The following SEMA3E variants were observed in gnomAD, a reference collection of about 807,000 sequenced individuals.
SEMA3E encodes semaphorin 3E.
A neutral mutation model predicts 93.6 loss-of-function variants in SEMA3E; 49 were observed. That is an observed-to-expected ratio of 0.52 (90% CI 0.42 to 0.66). SEMA3E has a LOEUF of 0.66. SEMA3E is among the 30% of genes least tolerant of loss of function. SEMA3E has a pLI of 0.00. For missense variants in SEMA3E, 906 were observed against 964.8 expected, an observed-to-expected ratio of 0.94 and a Z score of 0.81; for synonymous variants, 363 against 330.7, an observed-to-expected ratio of 1.10 and a Z score of -1.06.
chr7:83,564,720 C>G (rs1319461146), intron 1 of SEMA3E, among the ~76,000 whole-genome samples: 1 of 152,042 alleles, frequency 6.6e-6, no homozygotes, highest in Non-Finnish European at 1.5e-5. Context: ...GACTTGGTAT[C>G]TGACTTACAT....
intron 4 of SEMA3E, among the ~76,000 whole-genome samples, chr7:83,428,271 T>G (rs1788812925): frequency 6.6e-6 from 1 of 152,224 alleles, no homozygotes; most frequent in Admixed American, 6.5e-5. Context: ...CTAATACTCT[T>G]TTGCTTGTCT....
At chr7:83,386,779 G>A (rs1342737735) in intron 15 of SEMA3E, among the ~76,000 whole-genome samples, 1 of 152,130 alleles carries the variant, frequency 6.6e-6, no homozygotes, top group East Asian at 1.9e-4. Flanking sequence ...CTTGGTGGTA[G>A]CACATAAAAC....
At position 83,473,522 on chromosome 7, in the gene SEMA3E, G is replaced by A. The variant is rs140545751; in HGVS notation, c.277-4220C>T. On this transcript the variant is annotated intron_variant, in intron 2 of 16. Coordinates refer to ENST00000643230, the MANE Select transcript of SEMA3E (RefSeq NM_012431.3). ...AAATATTAGATGTTGCTGATTGGCG[G>A]TATTTTTTATTTAGTGGCAAATTGT... 6.5e-4 allele frequency among the ~76,000 whole-genome samples: 99 copies of A among 152,288 alleles called. 1 individual carries two copies. In the East Asian group the frequency reaches 0.017, roughly 26 times the overall value.
rs1026140084 is a variant in SEMA3E at position 83,421,103 on chromosome 7, T to C, written c.457-2620A>G. ...TAATATCCAGAGTGTATAAGGAACT[T>C]AACTCAAAAAGTATTACTGATTTTT... On this transcript the variant is annotated intron_variant, in intron 4 of 16. Coordinates refer to ENST00000643230, the MANE Select transcript of SEMA3E (RefSeq NM_012431.3). Among the ~76,000 whole-genome samples the C allele has an allele frequency of 7.0e-5, 10 of 142,458 alleles. 1 individual carries two copies. The highest frequency in any genetic ancestry group is 2.3e-4 in the African/African-American group (9 of 39,908). The allele number at this position is 142,458 out of a possible 152,430, so 93.5% of individuals were successfully genotyped here. A position where few individuals can be genotyped will look rare whatever the true frequency, so the allele number is the denominator to read the frequency against.
intron 1 of SEMA3E, among the ~76,000 whole-genome samples, chr7:83,528,696 GCAAACTATGAC>G: frequency 6.6e-6 from 1 of 152,012 alleles, no homozygotes; most frequent in Middle Eastern, 3.4e-3. Context: ...AACTCCACTT[GCAAACTATGAC>G]CAATAAAATA....
intron 1 of SEMA3E, among the ~76,000 whole-genome samples, chr7:83,596,934 C>G (rs1792888293): frequency 6.6e-6 from 1 of 152,142 alleles, no homozygotes; most frequent in South Asian, 2.1e-4. Context: ...CCTACAGTTC[C>G]TCTTCCATCA....
chr7:83,472,945 T>C (rs557510920), intron 2 of SEMA3E, among the ~76,000 whole-genome samples: 2 of 152,286 alleles, frequency 1.3e-5, no homozygotes, highest in South Asian at 2.1e-4. Context: ...AAAAGGTGCT[T>C]TGTTTCCCCT....
In SEMA3E at chr7:83,474,095, TAAA is replaced by T. The variant is rs11324407; in HGVS notation, c.277-4796_277-4794del. Among the ~76,000 whole-genome samples, 17 of 108,590 alleles carry T rather than the reference TAAA, an allele frequency of 1.6e-4. 1 individual carries two copies. The highest frequency in any genetic ancestry group is 4.9e-3 in the Middle Eastern group (1 of 206). 71.2% of individuals were successfully genotyped at this position (108,590 alleles called of 152,430 possible). Reference sequence around the variant, plus strand: ...CAACAGAGTGAGACTCTATCTCAATTAAAAAAAAAAAAAAAAAAAAAGAAAAAT... The same window carrying T: ...CAACAGAGTGAGACTCTATCTCAATTAAAAAAAAAAAAAAAAAAGAAAAAT... On this transcript the variant is annotated intron_variant, in intron 2 of 16. Coordinates refer to ENST00000643230, the MANE Select transcript of SEMA3E (RefSeq NM_012431.3).
chr7:83,374,789 T>C (rs958096720), intron 16 of SEMA3E, among the ~76,000 whole-genome samples: 3 of 151,988 alleles, frequency 2.0e-5, no homozygotes, highest in Non-Finnish European at 4.4e-5. Context: ...ATTCAACAGA[T>C]GCATATGGAG....
chr7:83,400,975 C>T (rs1048941081), intron 10 of SEMA3E, among the ~76,000 whole-genome samples: 2 of 152,032 alleles, frequency 1.3e-5, no homozygotes, highest in African/African-American at 4.8e-5. Flanking sequence ...GATTGGCTCA[C>T]TGACTATAGA....
At chr7:83,551,151 C>A (rs932030049) in intron 1 of SEMA3E, among the ~76,000 whole-genome samples, 5 of 152,050 alleles carry the variant, frequency 3.3e-5, no homozygotes, top group African/African-American at 1.2e-4. Flanking sequence ...ACCCTATGAC[C>A]TACCAATTCA....
chr7:83,434,748 C>T (rs558191589), intron 4 of SEMA3E, among the ~76,000 whole-genome samples: 25 of 132,314 alleles, frequency 1.9e-4, no homozygotes, highest in Non-Finnish European at 3.4e-4. Flanking sequence ...GAGTCTCGCT[C>T]TGTCGCCCAG....
intron 1 of SEMA3E, among the ~76,000 whole-genome samples, chr7:83,539,857 G>C (rs1218832852): frequency 1.7e-5 from 2 of 118,530 alleles, no homozygotes; most frequent in African/African-American, 6.8e-5. Context: ...TGTTGTTTCT[G>C]TGTGTGTGTG....
chr7:83,547,179 T>A (rs1399490275), intron 1 of SEMA3E, among the ~76,000 whole-genome samples: 1 of 152,160 alleles, frequency 6.6e-6, no homozygotes, highest in Non-Finnish European at 1.5e-5. Context: ...TAATAAACAT[T>A]ATAATTTTAT....
chr7:83,498,365 C>T (rs907124976), intron 1 of SEMA3E, among the ~76,000 whole-genome samples: 9 of 152,128 alleles, frequency 5.9e-5, no homozygotes, highest in African/African-American at 2.2e-4. Flanking sequence ...CAGAGGAATA[C>T]TAAAGATCAA....
intron 12 of SEMA3E, 131 bp from the exon 13 acceptor site, chr7:83,394,469 T>G (rs992453886): frequency 1.4e-6 from 1 of 735,514 alleles, no homozygotes; most frequent in African/African-American, 1.8e-5. Context: ...AGCTTTCATT[T>G]TAGTAAACCA....
At chr7:83,426,385 CCA>C (rs1189977245) in intron 4 of SEMA3E, among the ~76,000 whole-genome samples, 6 of 75,232 alleles carry the variant, frequency 8.0e-5, no homozygotes, top group African/African-American at 3.1e-4. Context: ...CCATGGAATA[CCA>C]CACAGTCATA....
chr7:83,604,419 TTCTC>T (rs534518181), intron 1 of SEMA3E, among the ~76,000 whole-genome samples: 7 of 138,642 alleles, frequency 5.0e-5, no homozygotes, highest in African/African-American at 1.0e-4. Flanking sequence ...TTAAGTGGTT[TTCTC>T]TCTCTATATA....
intron 2 of SEMA3E, among the ~76,000 whole-genome samples, chr7:83,480,934 T>C (rs1173084857): frequency 6.6e-6 from 1 of 152,160 alleles, no homozygotes; most frequent in Non-Finnish European, 1.5e-5. Flanking sequence ...TATACATTTA[T>C]TTTCAAATTA....
Sources: gnomAD v4.1 joint callset for allele counts (sites outside exome capture counted in the v4.1 genomes callset) on GRCh38, gnomAD v4.1.1 for gene constraint, MANE v1.5 for transcripts, NCBI Gene and HGNC (gene_info 2026-07-23, HGNC 2026-07-21) for gene names.